RBFOX1: variants seen among roughly 807,000 people sequenced by gnomAD.
The protein encoded by RBFOX1 is RNA binding protein fox-1 homolog 1.
Under a neutral mutation model 57.7 loss-of-function variants are expected in RBFOX1, and 8 were observed. The ratio of observed to expected loss-of-function variants is 0.14; its 90% CI spans 0.08 to 0.25. The LOEUF (loss-of-function observed/expected upper bound fraction) is 0.25, where lower values mean the gene tolerates loss of function less well. RBFOX1 is among the 10% of genes least tolerant of loss of function. The pLI, the probability that RBFOX1 is intolerant of heterozygous loss-of-function variation, is 1.00. For missense variants in RBFOX1, 611 were observed against 548.5 expected (o/e 1.11, Z -1.14); for synonymous variants, 326 against 222.4 (o/e 1.47, Z -4.15).
chr16:5,517,847 T>TACACACAC (rs60932835), intron 2 of RBFOX1, among the ~76,000 whole-genome samples: 2 of 150,532 alleles, frequency 1.3e-5, no homozygotes. Context: ...CATATATGTA[T>TACACACAC]ACACACACAC....
chr16:7,674,365 A>T (rs1458886215), intron 13 of RBFOX1, among the ~76,000 whole-genome samples: 3 of 152,204 alleles, frequency 2.0e-5, no homozygotes, highest in African/African-American at 7.2e-5. Flanking sequence ...TCATTGCACT[A>T]GTTACCTTTC....
chr16:6,541,777 T>G lies in RBFOX1; in HGVS notation c.-63-112826T>G, dbSNP rs13332869. Among the ~76,000 whole-genome samples the G allele has an allele frequency of 8.8e-3, 1,336 of 152,182 alleles. 17 individuals are homozygous for G. The highest frequency in any genetic ancestry group is 0.029 in the African/African-American group (1,219 of 41,516). Reference sequence around the variant, plus strand: ...ATAGAGGAAGGATACTGGACATAAATATGAGGACTAGACCCTAGACTTAGT... The same window carrying G: ...ATAGAGGAAGGATACTGGACATAAAGATGAGGACTAGACCCTAGACTTAGT... On this transcript the variant is annotated intron_variant, in intron 2 of 15. Coordinates refer to ENST00000550418, the MANE Select transcript of RBFOX1 (RefSeq NM_018723.4).
At position 6,780,572 on chromosome 16, in the gene RBFOX1, TTA is replaced by T. The variant is rs1454680356; in HGVS notation, c.-16+125932_-16+125933del. ...TATATATTTACATATTTATATATATTTATATATATATTTATATATATATTTCT... is the reference window on the plus strand; with the variant it reads ...TATATATTTACATATTTATATATATTTATATATATTTATATATATATTTCT... On this transcript the variant is annotated intron_variant, in intron 3 of 15. Transcript: ENST00000550418. Among the ~76,000 whole-genome samples the T allele has an allele frequency of 1.5e-3, 195 of 126,056 alleles. 2 individuals are homozygous for T. Among genetic ancestry groups the T allele is most frequent in the Non-Finnish European group, 1.4e-3 (90 of 64,936 alleles). The allele number at this position is 126,056 out of a possible 152,430, so 82.7% of individuals were successfully genotyped here. A position where few individuals can be genotyped will look rare whatever the true frequency, so the allele number is the denominator to read the frequency against.
chr16:7,225,484 C>A (rs551940420), intron 4 of RBFOX1, among the ~76,000 whole-genome samples: 5 of 152,036 alleles, frequency 3.3e-5, no homozygotes, highest in African/African-American at 7.2e-5. Flanking sequence ...TCCCCAGCCA[C>A]GTATAACTGT....
At chr16:7,187,686 C>G (rs1194357302) in intron 4 of RBFOX1, among the ~76,000 whole-genome samples, 18 of 61,652 alleles carry the variant, frequency 2.9e-4, no homozygotes, top group African/African-American at 1.5e-3. Flanking sequence ...GAGACTCTGT[C>G]TCACAAAAAA....
At chr16:5,676,597 A>G (rs1404654438) in intron 3 of RBFOX1, among the ~76,000 whole-genome samples, 4 of 152,176 alleles carry the variant, frequency 2.6e-5, no homozygotes, top group Admixed American at 6.5e-5. Context: ...GTGGTGGCTC[A>G]TACCTGTAAT....
intron 14 of RBFOX1, among the ~76,000 whole-genome samples, chr16:7,702,560 T>A (rs1253196135): frequency 6.6e-6 from 1 of 152,186 alleles, no homozygotes; most frequent in African/African-American, 2.4e-5. Context: ...TATTTCTAGT[T>A]GGATGAGAGA....
At chr16:6,181,132 C>T (rs917800396) in intron 1 of RBFOX1, among the ~76,000 whole-genome samples, 1 of 152,164 alleles carries the variant, frequency 6.6e-6, no homozygotes, top group Non-Finnish European at 1.5e-5. Context: ...AATGTATGGG[C>T]TGGTAAAGTC....
At chr16:7,119,401 G>A (rs185588974) in intron 4 of RBFOX1, among the ~76,000 whole-genome samples, 328 of 152,162 alleles carry the variant, frequency 2.2e-3, no homozygotes, top group Non-Finnish European at 3.7e-3. Context: ...TACAATAAAC[G>A]AGCTATCTTA....
At position 7,062,892 on chromosome 16, in the gene RBFOX1, C is replaced by CTTTTTTTTTTTT. The variant is rs1491558284; in HGVS notation, c.27+10794_27+10795insTTTTTTTTTTTT. Among the ~76,000 whole-genome samples the CTTTTTTTTTTTT allele has an allele frequency of 1.3e-4, 8 of 59,950 alleles. 2 individuals carry two copies. Among genetic ancestry groups the CTTTTTTTTTTTT allele is most frequent in the Middle Eastern group, 0.014 (1 of 72 alleles). 39.3% of individuals were successfully genotyped at this position (59,950 alleles called of 152,430 possible). On this transcript the variant is annotated intron_variant, in intron 4 of 15. Transcript: ENST00000550418. ...TACCTCATCTCATTCAAATGATCGC[C>CTTTTTTTTTTTT]ATTTTTTTTTTTTTTTTTTTTTTTT...
intron 3 of RBFOX1, among the ~76,000 whole-genome samples, chr16:5,837,353 G>A (rs1432469978): frequency 6.6e-6 from 1 of 151,930 alleles, no homozygotes; most frequent in Non-Finnish European, 1.5e-5. Context: ...ATGAGGGTTT[G>A]TCCAGCTGGC....
chr16:5,372,362 A>T (rs2065878872), intron 1 of RBFOX1, among the ~76,000 whole-genome samples: 1 of 152,152 alleles, frequency 6.6e-6, no homozygotes, highest in Admixed American at 6.5e-5. Flanking sequence ...TGGTGGTGGG[A>T]GTGAGGTCTA....
At chr16:6,710,803 G>A (rs1001334043) in intron 3 of RBFOX1, among the ~76,000 whole-genome samples, 1 of 152,230 alleles carries the variant, frequency 6.6e-6, no homozygotes, top group South Asian at 2.1e-4. Context: ...CTCAGGAAAT[G>A]AGAGATCCTC....
At chr16:5,696,905 T>C (rs1262513610) in intron 3 of RBFOX1, among the ~76,000 whole-genome samples, 3 of 152,122 alleles carry the variant, frequency 2.0e-5, no homozygotes, top group South Asian at 2.1e-4. Context: ...CAGAGACATA[T>C]ATGTTTTTGT....
In RBFOX1 at chr16:6,407,471, T is replaced by TAC. The variant is rs200359304; in HGVS notation, c.-64+90424_-64+90425dup. Among the ~76,000 whole-genome samples, 556 of 151,924 alleles carry TAC rather than the reference T, an allele frequency of 3.7e-3. 4 individuals are homozygous for TAC. The highest frequency in any genetic ancestry group is 0.013 in the African/African-American group (519 of 41,370). On this transcript the variant is annotated intron_variant, in intron 2 of 15. Transcript: ENST00000550418. ...TTATGTATATCTATGTCTGTATTTATACACACACACATATATATAGAGAGA... is the reference window on the plus strand; with the variant it reads ...TTATGTATATCTATGTCTGTATTTATACACACACACACATATATATAGAGAGA...
At chr16:7,676,451 A>G (rs2073300564) in intron 13 of RBFOX1, among the ~76,000 whole-genome samples, 1 of 152,200 alleles carries the variant, frequency 6.6e-6, no homozygotes, top group Admixed American at 6.5e-5. Context: ...AAGTATAAAG[A>G]GTATTTAAAT....
intron 2 of RBFOX1, among the ~76,000 whole-genome samples, chr16:5,554,886 C>T (rs1057251412): frequency 2.6e-5 from 4 of 152,194 alleles, no homozygotes; most frequent in Admixed American, 2.0e-4. Flanking sequence ...AGTGGTACAA[C>T]CTACAGACCT....
chr16:5,581,458 C>T (rs762826683), intron 2 of RBFOX1, among the ~76,000 whole-genome samples: 7 of 152,186 alleles, frequency 4.6e-5, no homozygotes, highest in Non-Finnish European at 1.0e-4. Context: ...ATGGAGTACA[C>T]GAGTCAGTGG....
chr16:7,303,593 A>G (rs2096085919), intron 4 of RBFOX1, among the ~76,000 whole-genome samples: 1 of 152,160 alleles, frequency 6.6e-6, no homozygotes, highest in Non-Finnish European at 1.5e-5. Context: ...ATAATTTTTA[A>G]AAAAAGCGAA....
Sources: allele counts gnomAD v4.1 joint callset (sites outside exome capture counted in the v4.1 genomes callset), GRCh38; gene constraint gnomAD v4.1.1; transcripts MANE v1.5; gene names NCBI Gene and HGNC (gene_info 2026-07-23, HGNC 2026-07-21).